The following CHL1 variants were observed in gnomAD, a reference collection of about 807,000 sequenced individuals.
CHL1 encodes cell adhesion molecule L1 like.
In CHL1, 96 loss-of-function variants were observed where a neutral mutation model predicts 141.9. That is an observed-to-expected ratio of 0.68 (90% confidence interval 0.57 to 0.80). CHL1 has a LOEUF of 0.80. Ranked by LOEUF, CHL1 falls within the 30% of genes least tolerant of loss-of-function variation. The pLI, the probability that CHL1 is intolerant of heterozygous loss-of-function variation, is 0.00. For missense variants in CHL1, 1,820 were observed against 1,457.2 expected, an observed-to-expected ratio of 1.25 and a Z score of -4.05; for synonymous variants, 613 against 502.2, an observed-to-expected ratio of 1.22 and a Z score of -2.95.
intron 2 of CHL1, among the ~76,000 whole-genome samples, chr3:268,488 T>C (rs1695354124): frequency 6.6e-6 from 1 of 151,990 alleles, no homozygotes; most frequent in Admixed American, 6.6e-5. Context: ...TGAGCTGAGA[T>C]TGCGCCACTG....
At chr3:212,578 T>C (rs1052635310) in intron 1 of CHL1, among the ~76,000 whole-genome samples, 3 of 152,226 alleles carry the variant, frequency 2.0e-5, no homozygotes, top group African/African-American at 7.2e-5. Flanking sequence ...CCTTTCTTGC[T>C]TGTCACTTTG....
chr3:326,181 G>A (rs577081994), intron 4 of CHL1, 117 bp downstream of exon 4: 30 of 565,046 alleles, frequency 5.3e-5, no homozygotes, highest in East Asian at 2.7e-4. Flanking sequence ...TAAAGCTAAG[G>A]GTTTACAAAA....
At position 382,242 on chromosome 3, in the gene CHL1, C is replaced by G; in HGVS notation, c.1940C>G (p.Thr647Ser). The change falls in exon 17 of 28, where the codon ACC becomes AGC. Residue 647 changes from threonine (T) to serine (S), a missense_variant. Thr to Ser is a moderately conservative substitution (Grantham distance 58). Coordinates refer to ENST00000256509, the MANE Select transcript of CHL1 (RefSeq NM_006614.4). ...SERQNRSVRLTWEAGADHNSN... is the reference protein window; with the variant it reads ...SERQNRSVRLSWEAGADHNSN... The stretch of plus-strand genomic sequence containing the variant: ...AGACAGAACAGGAGTGTTCGGCTGA[C>G]CTGGGAAGCTGGAGCTGACCACAAC... 1.9e-6 allele frequency: 3 copies of G among 1,613,774 alleles called. No individual in the cohort carries two copies. The highest frequency in any genetic ancestry group is 2.5e-6 in the Non-Finnish European group (3 of 1,179,764).
At chr3:269,461 C>G (rs1036084548) in intron 2 of CHL1, among the ~76,000 whole-genome samples, 21 of 152,102 alleles carry the variant, frequency 1.4e-4, no homozygotes, top group African/African-American at 4.8e-4. Flanking sequence ...AGTGGAGCAC[C>G]TACATTCTCG....
chr3:278,841 C>G (rs1260326990), intron 2 of CHL1, among the ~76,000 whole-genome samples: 2 of 152,194 alleles, frequency 1.3e-5, no homozygotes, highest in East Asian at 3.8e-4. Flanking sequence ...TTTCTGAACT[C>G]TGTCAAACTT....
At chr3:264,665 C>A (rs1384336895) in intron 2 of CHL1, among the ~76,000 whole-genome samples, 1 of 152,190 alleles carries the variant, frequency 6.6e-6, no homozygotes, top group Non-Finnish European at 1.5e-5. Flanking sequence ...TCAATACTCA[C>A]AATCTAACTC....
chr3:236,278 T>G (rs768870358), intron 1 of CHL1, among the ~76,000 whole-genome samples: 2 of 152,194 alleles, frequency 1.3e-5, no homozygotes, highest in African/African-American at 2.4e-5. Flanking sequence ...CAGAGCTTAT[T>G]CATTCACTCA....
intron 15 of CHL1, among the ~76,000 whole-genome samples, chr3:367,654 T>C (rs1385433837): frequency 6.6e-6 from 1 of 152,204 alleles, no homozygotes; most frequent in African/African-American, 2.4e-5. Context: ...AATTTCTTTT[T>C]TTAATTTTTG....
chr3:320,425 A>T (rs953882283), intron 3 of CHL1, among the ~76,000 whole-genome samples: 1 of 152,038 alleles, frequency 6.6e-6, no homozygotes, highest in African/African-American at 2.4e-5. Flanking sequence ...GTCTGATGGA[A>T]ATATATAAAT....
chr3:359,867 G>A (rs1475271975), intron 11 of CHL1, among the ~76,000 whole-genome samples: 3 of 152,186 alleles, frequency 2.0e-5, no homozygotes, highest in African/African-American at 4.8e-5. Flanking sequence ...GGGGAAAATA[G>A]CAGCCAGTAC....
intron 1 of CHL1, among the ~76,000 whole-genome samples, chr3:233,438 C>T (rs1702032110): frequency 6.6e-6 from 1 of 152,140 alleles, no homozygotes; most frequent in African/African-American, 2.4e-5. Context: ...AACCAAATAA[C>T]TATGTGGCTT....
At chr3:241,582 TG>T (rs201276966) in intron 1 of CHL1, among the ~76,000 whole-genome samples, 84 of 103,884 alleles carry the variant, frequency 8.1e-4, no homozygotes, top group African/African-American at 2.2e-3. Context: ...TACTTCTCTC[TG>T]GTTTTTTTTT....
intron 1 of CHL1, among the ~76,000 whole-genome samples, chr3:199,156 AAGTGCTGC>A (rs776174051): frequency 6.6e-5 from 10 of 152,218 alleles, no homozygotes; most frequent in Non-Finnish European, 1.5e-4. Context: ...TTATGGCCTT[AAGTGCTGC>A]AGTGGATTTA....
chr3:345,969 A>C (rs1702736712), intron 9 of CHL1, among the ~76,000 whole-genome samples: 1 of 152,264 alleles, frequency 6.6e-6, no homozygotes, highest in Admixed American at 6.5e-5. Context: ...CTTCCCTACC[A>C]TTGAGGATAC....
At chr3:277,500 C>A (rs979827977) in intron 2 of CHL1, among the ~76,000 whole-genome samples, 10 of 152,236 alleles carry the variant, frequency 6.6e-5, no homozygotes, top group Admixed American at 4.6e-4. Context: ...TTCTCTTTCT[C>A]TTCTCTACCA....
At chr3:261,156 T>C (rs909744020) in intron 2 of CHL1, among the ~76,000 whole-genome samples, 7 of 152,194 alleles carry the variant, frequency 4.6e-5, no homozygotes, top group African/African-American at 1.7e-4. Context: ...GAGCCAAGAC[T>C]GTGTAACCCA....
intron 4 of CHL1, among the ~76,000 whole-genome samples, chr3:327,891 G>T (rs1002098921): frequency 2.8e-4 from 43 of 151,734 alleles, no homozygotes; most frequent in African/African-American, 9.9e-4. Context: ...TAATAATCTT[G>T]TATTACCTTT....
At chr3:336,380 TC>T (rs1701864763) in intron 5 of CHL1, among the ~76,000 whole-genome samples, 1 of 152,194 alleles carries the variant, frequency 6.6e-6, no homozygotes, top group African/African-American at 2.4e-5. Flanking sequence ...TTTGTTTTTT[TC>T]ATCACAGTGG....
chr3:347,590 CT>C (rs1230078654), intron 9 of CHL1, among the ~76,000 whole-genome samples: 2 of 152,150 alleles, frequency 1.3e-5, no homozygotes, highest in African/African-American at 4.8e-5. Flanking sequence ...TCCGGGAGAT[CT>C]TGCTGAAAGT....
Sources: allele counts gnomAD v4.1 joint callset (sites outside exome capture counted in the v4.1 genomes callset), GRCh38; gene constraint gnomAD v4.1.1; transcripts MANE v1.5; gene names NCBI Gene and HGNC (gene_info 2026-07-23, HGNC 2026-07-21).